The following FANCC variants were observed in gnomAD, a reference collection of about 807,000 sequenced individuals.
The protein encoded by FANCC is Fanconi anemia group C protein.
FANCC carries 55 observed loss-of-function variants against 71.3 expected under a neutral mutation model. That is an observed-to-expected ratio of 0.77 (90% confidence interval 0.62 to 0.97). FANCC has a LOEUF of 0.97. Among genes scored for constraint, FANCC ranks in the 50% least tolerant of loss-of-function variants. The probability of loss-of-function intolerance (pLI) is 0.00; values close to 1 mark genes in which losing one functional copy is unlikely to be tolerated. For synonymous variants in FANCC, 275 were observed against 244.9 expected (o/e 1.12, Z -1.15); for missense variants, 678 against 670.9 (o/e 1.01, Z -0.12).
At chr9:95,105,107 T>A (rs2071342198) in intron 14 of FANCC, among the ~76,000 whole-genome samples, 2 of 152,234 alleles carry the variant, frequency 1.3e-5, no homozygotes, top group Admixed American at 6.5e-5. Flanking sequence ...TGGCAGCCAG[T>A]CGTCTTTAGC....
intron 1 of FANCC, chr9:95,294,876 G>A (rs1451576175): frequency 2.2e-6 from 3 of 1,378,044 alleles, no homozygotes; most frequent in Non-Finnish European, 9.8e-7. Flanking sequence ...ACTACGGACG[G>A]GGGACAACAG....
rs906277099 is a variant in FANCC, at chr9:95,125,280, T to C, written c.897-95A>G. ...ATAAGGGAAAAGTAGAAACACTTTT[T>C]TTGTGCCATAAGCTTCAGCAGTATC... On this transcript the variant is annotated intron_variant, in intron 9 of 14. Transcript: ENST00000289081. 11 of 973,324 alleles carry C rather than the reference T, an allele frequency of 1.1e-5. No individual in the cohort carries two copies. In the African/African-American group the frequency reaches 1.3e-4, roughly 11 times the overall value. The allele number at this position is 973,324 out of a possible 1,614,324, so 60.3% of individuals were successfully genotyped here. A position where few individuals can be genotyped will look rare whatever the true frequency, so the allele number is the denominator to read the frequency against.
At chr9:95,149,280 G>A (rs1829965487) in intron 7 of FANCC, among the ~76,000 whole-genome samples, 1 of 151,984 alleles carries the variant, frequency 6.6e-6, no homozygotes, top group Admixed American at 6.6e-5. Context: ...ATAGTCGCTG[G>A]GGCCTACCTG....
chr9:95,126,657 G>C (rs1826024052), intron 8 of FANCC, 76 bp from the exon 9 acceptor site: 3 of 1,448,104 alleles, frequency 2.1e-6, no homozygotes, highest in African/African-American at 1.4e-5. Context: ...TCAGCCAAAG[G>C]AGTTACTGGG....
chr9:95,274,122 C>T (rs532558293), intron 1 of FANCC, among the ~76,000 whole-genome samples: 35 of 152,226 alleles, frequency 2.3e-4, no homozygotes, highest in Admixed American at 6.5e-4. Flanking sequence ...TTTGCTGCAC[C>T]GATCAACCCG....
At chr9:95,160,411 T>C (rs1269676005) in intron 6 of FANCC, among the ~76,000 whole-genome samples, 1 of 152,186 alleles carries the variant, frequency 6.6e-6, no homozygotes, top group Non-Finnish European at 1.5e-5. Flanking sequence ...ACCAGTACCA[T>C]GCTGTTTTGG....
chr9:95,230,580 A>T (rs1829939728), intron 4 of FANCC, among the ~76,000 whole-genome samples: 1 of 151,930 alleles, frequency 6.6e-6, no homozygotes, highest in Non-Finnish European at 1.5e-5. Flanking sequence ...ATGTGTCTGG[A>T]GTTTCTTCCT....
intron 6 of FANCC, among the ~76,000 whole-genome samples, chr9:95,167,703 A>G (rs1258869524): frequency 6.6e-6 from 1 of 151,940 alleles, no homozygotes; most frequent in African/African-American, 2.4e-5. Context: ...TTTTGCTCAC[A>G]TATTGTTTTC....
At chr9:95,208,400 A>G (rs1350342071) in intron 4 of FANCC, among the ~76,000 whole-genome samples, 1 of 152,030 alleles carries the variant, frequency 6.6e-6, no homozygotes, top group Non-Finnish European at 1.5e-5. Context: ...CCCGGCCTCC[A>G]TAAACCTTTT....
At chr9:95,195,826 T>G (rs1241773134) in intron 4 of FANCC, among the ~76,000 whole-genome samples, 1 of 152,238 alleles carries the variant, frequency 6.6e-6, no homozygotes, top group Non-Finnish European at 1.5e-5. Context: ...GATCCCATTT[T>G]GTTATGTATA....
intron 4 of FANCC, among the ~76,000 whole-genome samples, chr9:95,237,892 T>C (rs570992949): frequency 7.4e-4 from 112 of 152,334 alleles, no homozygotes; most frequent in African/African-American, 2.7e-3. Context: ...AATGATGGTA[T>C]TTGGAATATA....
At position 95,172,144 on chromosome 9, in the gene FANCC, C is replaced by T. The variant is rs781167993; in HGVS notation, c.349G>A (p.Val117Ile). 8 of 1,598,188 alleles carry T rather than the reference C, an allele frequency of 5.0e-6. No homozygotes were observed. The highest frequency in any genetic ancestry group is 2.2e-5 in the East Asian group (1 of 44,678). ...AGTGCTGAAAGTATATGAGATAATACACCCTAAAAAACATAAACAGAAAAA... is the reference window on the plus strand; with the variant it reads ...AGTGCTGAAAGTATATGAGATAATATACCCTAAAAAACATAAACAGAAAAA... The part of the protein sequence containing the change: ...QSKLNSWIQG[V>I]LSHILSALRF... The change falls in exon 5 of 15, where the codon GTA becomes ATA. Residue 117 changes from valine to isoleucine, a missense_variant. Coordinates refer to ENST00000289081, the MANE Select transcript of FANCC (RefSeq NM_000136.3).
chr9:95,156,117 G>GTGT lies in FANCC; in HGVS notation c.522-6033_522-6031dup, dbSNP rs566801661. Among the ~76,000 whole-genome samples the GTGT allele has an allele frequency of 8.5e-5, 13 of 152,128 alleles. No homozygotes were observed. The South Asian group carries it at 1.2e-3, about 15-fold the overall frequency. On this transcript the variant is annotated intron_variant, in intron 6 of 14. Coordinates refer to ENST00000289081, the MANE Select transcript of FANCC (RefSeq NM_000136.3). ...TTCTCTAGTTTATAATTGGTTTTTGGTGTTGTTGTTGTTGTTAAGAATGCT... is the reference window on the plus strand; with the variant it reads ...TTCTCTAGTTTATAATTGGTTTTTGGTGTTGTTGTTGTTGTTGTTAAGAATGCT...
intron 1 of FANCC, among the ~76,000 whole-genome samples, chr9:95,314,873 C>T (rs1235219679): frequency 1.3e-5 from 2 of 151,994 alleles, no homozygotes; most frequent in East Asian, 3.9e-4. Context: ...TGGCAATTCT[C>T]CCCCAAATAG....
At chr9:95,300,364 T>A (rs1368080693) in intron 1 of FANCC, among the ~76,000 whole-genome samples, 3 of 148,902 alleles carry the variant, frequency 2.0e-5, no homozygotes, top group African/African-American at 7.4e-5. Flanking sequence ...CCAAAAATAA[T>A]AAAAAGGAAT....
At chr9:95,155,158 G>A (rs1460467067) in intron 6 of FANCC, among the ~76,000 whole-genome samples, 1 of 146,732 alleles carries the variant, frequency 6.8e-6, no homozygotes, top group Non-Finnish European at 1.5e-5. Context: ...GGTGAGCTGA[G>A]ATCATGCCAC....
At chr9:95,273,056 G>T (rs561342120) in intron 1 of FANCC, among the ~76,000 whole-genome samples, 71 of 152,326 alleles carry the variant, frequency 4.7e-4, no homozygotes, top group Admixed American at 9.1e-4. Context: ...TATTCTACCT[G>T]AGGTTATATG....
chr9:95,195,971 C>G (rs897055029), intron 4 of FANCC, among the ~76,000 whole-genome samples: 5 of 152,096 alleles, frequency 3.3e-5, no homozygotes, highest in Non-Finnish European at 7.4e-5. Flanking sequence ...TGCAGCTCTG[C>G]TGACCTGATT....
chr9:95,190,022 CCT>C (rs1826988364), intron 4 of FANCC, among the ~76,000 whole-genome samples: 1 of 152,186 alleles, frequency 6.6e-6, no homozygotes, highest in African/African-American at 2.4e-5. Context: ...TTTCCTGCTT[CCT>C]CTCTCATCAC....
Sources: gnomAD v4.1 joint callset for allele counts (sites outside exome capture counted in the v4.1 genomes callset) on GRCh38, gnomAD v4.1.1 for gene constraint, MANE v1.5 for transcripts, NCBI Gene and HGNC (gene_info 2026-07-23, HGNC 2026-07-21) for gene names.